The following SMYD4 variants were observed in gnomAD, a reference collection of about 807,000 sequenced individuals.
SMYD4 encodes SET and MYND domain containing 4.
Under a neutral mutation model 72.8 loss-of-function variants are expected in SMYD4, and 68 were observed. The ratio of observed to expected loss-of-function variants is 0.93; its 90% CI spans 0.77 to 1.14. The LOEUF is 1.14. SMYD4 is among the 50% of genes most tolerant of loss of function. The probability of loss-of-function intolerance (pLI) is 0.00; values close to 1 mark genes in which losing one functional copy is unlikely to be tolerated. For synonymous variants in SMYD4, 407 were observed against 388.6 expected (o/e 1.05, Z -0.56); for missense variants, 984 against 1,003.7 (o/e 0.98, Z 0.27).
chr17:1,783,427 G>T lies in SMYD4; in HGVS notation c.2070C>A (p.Phe690Leu), dbSNP rs760855522. The change falls in exon 9 of 11, where the codon TTC (phenylalanine) becomes TTA (leucine). Residue 690 changes from phenylalanine to leucine, a missense_variant. Phe to Leu is a conservative substitution (Grantham distance 22). Transcript: ENST00000305513. ...LSGCQRDAES[F>L]LWAEHAVVGE... ...CCACCACGGCGTGCTCTGCCCACAG[G>T]AAGCTCTCGGCGTCACGCTGGCACC... The T allele has an allele frequency of 6.2e-7, 1 of 1,612,786 alleles. No individual in the cohort carries two copies. The highest frequency in any genetic ancestry group is 8.5e-7 in the Non-Finnish European group (1 of 1,179,948).
At chr17:1,791,825 TAC>T (rs1173807501) in intron 5 of SMYD4, among the ~76,000 whole-genome samples, 2 of 151,958 alleles carry the variant, frequency 1.3e-5, no homozygotes, top group South Asian at 2.1e-4. Context: ...AGTTTGAGGT[TAC>T]AGTGAGCTAC....
intron 10 of SMYD4, chr17:1,782,150 C>T (rs1447251067): frequency 3.3e-5 from 5 of 152,148 alleles, no homozygotes; most frequent in African/African-American, 1.2e-4. Context: ...GCTGTTCTTT[C>T]CTTTTAACCT....
chr17:1,787,511 G>T lies in SMYD4; in HGVS notation c.1631C>A (p.Pro544His). ...VISLLNHSCS[P>H]NTSVSFISTV... Reference sequence around the variant, plus strand: ...GCTAATGAAGGACACGCTGGTGTTGGGGCTACAGGAGTGGTTCAGGAGGCT... The same window carrying T: ...GCTAATGAAGGACACGCTGGTGTTGTGGCTACAGGAGTGGTTCAGGAGGCT... Residue 544 changes from proline to histidine, a missense_variant, in exon 6 of 11, where the codon CCC becomes CAC. Pro to His is a moderately conservative substitution (Grantham distance 77). Transcript: ENST00000305513. 6.3e-7 allele frequency: 1 copy of T among 1,586,526 alleles called. No individual in the cohort carries two copies. Among genetic ancestry groups the T allele is most frequent in the East Asian group, 2.3e-5 (1 of 43,828 alleles).
intron 5 of SMYD4, among the ~76,000 whole-genome samples, chr17:1,789,148 G>A (rs962417773): frequency 1.3e-5 from 2 of 152,224 alleles, no homozygotes; most frequent in African/African-American, 4.8e-5. Context: ...AGCACTTTGG[G>A]AGGCCGAGGC....
intron 2 of SMYD4, among the ~76,000 whole-genome samples, chr17:1,823,386 T>A: frequency 1.2e-5 from 1 of 82,796 alleles, no homozygotes; most frequent in Non-Finnish European, 2.1e-5. Flanking sequence ...AGAGCGAGAC[T>A]CCGTCTCAAA....
At chr17:1,782,207 A>C (rs1908401171) in intron 10 of SMYD4, 1 of 152,202 alleles carries the variant, frequency 6.6e-6, no homozygotes. Flanking sequence ...CAACAGCAGC[A>C]AAAAAGCAGG....
At position 1,812,748 on chromosome 17, in the gene SMYD4, CATGTT is replaced by C. The variant is rs1225502040; in HGVS notation, c.135-638_135-634del. The stretch of plus-strand genomic sequence containing the variant: ...ATTTTTAGTAGAGAAAGCATTTCAC[CATGTT>C]AGCCAGGCTGGTCTCGAACTCCTGA... On this transcript the variant is annotated intron_variant, in intron 2 of 10. Coordinates refer to ENST00000305513, the MANE Select transcript of SMYD4 (RefSeq NM_052928.3). 2.0e-5 allele frequency among the ~76,000 whole-genome samples: 3 copies of C among 151,730 alleles called. No homozygotes were observed. In the East Asian group the frequency reaches 5.8e-4, roughly 29 times the overall value.
At chr17:1,783,849 G>C (rs1908507806) in intron 8 of SMYD4, 2 of 315,632 alleles carry the variant, frequency 6.3e-6, no homozygotes, top group Non-Finnish European at 5.9e-6. Flanking sequence ...TCTAAGGCAG[G>C]GTTTTCAAGG....
chr17:1,792,841 G>A (rs1909132956), intron 5 of SMYD4, among the ~76,000 whole-genome samples: 1 of 152,072 alleles, frequency 6.6e-6, no homozygotes, highest in Non-Finnish European at 1.5e-5. Context: ...TTAAGTGTAC[G>A]ATTCAGTGCT....
At chr17:1,824,427 A>C (rs1170311501) in intron 2 of SMYD4, among the ~76,000 whole-genome samples, 1 of 152,056 alleles carries the variant, frequency 6.6e-6, no homozygotes, top group Non-Finnish European at 1.5e-5. Context: ...AGAGCCTAGA[A>C]ACAAATTTGT....
chr17:1,823,855 A>T (rs1193083418), intron 2 of SMYD4, among the ~76,000 whole-genome samples: 2 of 152,176 alleles, frequency 1.3e-5, no homozygotes, highest in Admixed American at 6.6e-5. Context: ...GTGAATGGTT[A>T]TAGCACCCAC....
chr17:1,807,312 C>T (rs945389369), intron 3 of SMYD4, among the ~76,000 whole-genome samples: 21 of 150,248 alleles, frequency 1.4e-4, no homozygotes, highest in African/African-American at 3.9e-4. Context: ...ATGTAGCCAT[C>T]ATAAAGAATG....
intron 1 of SMYD4, among the ~76,000 whole-genome samples, chr17:1,828,599 C>CTT (rs374636473): frequency 0.01 from 1,237 of 121,764 alleles, 20 homozygotes; most frequent in Non-Finnish European, 0.014. Context: ...CTTAGATCCT[C>CTT]TTTTTTTTTT....
chr17:1,812,198 A>C, intron 2 of SMYD4, 83 bp from the exon 3 acceptor site: 1 of 1,474,778 alleles, frequency 6.8e-7, no homozygotes, highest in South Asian at 1.2e-5. Flanking sequence ...CAAAACAAGA[A>C]AGTGGGCCCG....
chr17:1,820,362 C>T (rs937522368), intron 2 of SMYD4, among the ~76,000 whole-genome samples: 3 of 152,012 alleles, frequency 2.0e-5, no homozygotes, highest in Admixed American at 1.3e-4. Context: ...ACCTCAGCCT[C>T]CCAAATAGCT....
At chr17:1,804,838 T>C (rs750887370) in intron 3 of SMYD4, 123 bp from the exon 4 acceptor site, 10 of 889,744 alleles carry the variant, frequency 1.1e-5, no homozygotes, top group Non-Finnish European at 1.7e-5. Flanking sequence ...CTGAACCTCT[T>C]TGTGCTTCAG....
intron 5 of SMYD4, 107 bp downstream of exon 5, chr17:1,799,750 G>A: frequency 9.2e-7 from 1 of 1,081,842 alleles, no homozygotes; most frequent in South Asian, 1.7e-5. Context: ...GATCCCATTA[G>A]CTCAATGATT....
intron 5 of SMYD4, among the ~76,000 whole-genome samples, chr17:1,796,158 G>T (rs7211110): frequency 0.099 from 15,106 of 151,888 alleles, 1,946 homozygotes; most frequent in African/African-American, 0.3. Context: ...TTTGAGACAG[G>T]GTCTCTCTCT....
intron 2 of SMYD4, among the ~76,000 whole-genome samples, chr17:1,825,994 AATGTAAATGTAAAAC>A (rs1405690120): frequency 6.6e-6 from 1 of 152,094 alleles, no homozygotes; most frequent in Non-Finnish European, 1.5e-5. Flanking sequence ...ATTTATATAC[AATGTAAATGTAAAAC>A]ATTTACATTG....
Sources: allele counts gnomAD v4.1 joint callset (sites outside exome capture counted in the v4.1 genomes callset), GRCh38; gene constraint gnomAD v4.1.1; transcripts MANE v1.5; gene names NCBI Gene and HGNC (gene_info 2026-07-23, HGNC 2026-07-21).